The following DEPDC1 variants were observed in gnomAD, a reference collection of about 807,000 sequenced individuals.
DEPDC1 encodes DEP domain containing 1, also known as DEP domain-containing protein 1A.
DEPDC1 carries 66 observed loss-of-function variants against 86.8 expected under a neutral mutation model. The ratio of observed to expected loss-of-function variants is 0.76; its 90% CI spans 0.62 to 0.93. The LOEUF (loss-of-function observed/expected upper bound fraction) is 0.93. Ranked by LOEUF, DEPDC1 falls within the 40% of genes least tolerant of loss-of-function variation. The pLI is 0.00. For missense variants in DEPDC1, 792 were observed against 935.7 expected, an observed-to-expected ratio of 0.85 and a Z score of 2.00; for synonymous variants, 255 against 314.9, an observed-to-expected ratio of 0.81 and a Z score of 2.02.
rs148276338 is a variant in DEPDC1, at chr1:68,481,896, G to C, written c.1762+150C>G. 152 of 789,718 alleles carry C rather than the reference G, an allele frequency of 1.9e-4. 1 individual carries two copies. The African/African-American group carries it at 2.5e-3, about 13-fold the overall frequency. The allele number at this position is 789,718 out of a possible 1,614,324, so 48.9% of individuals were successfully genotyped here. On this transcript the variant is annotated intron_variant, in intron 8 of 11. Coordinates refer to ENST00000456315, the MANE Select transcript of DEPDC1 (RefSeq NM_001114120.3). ...TCCTTAGGTAAACAGAATAAATCTT[G>C]GTTATGTCACAGACAAAAGTCTTTT...
chr1:68,496,858 C>CCGAGGTAAAACTCCGAACGGT lies in DEPDC1; in HGVS notation c.48+93_48+94insACCGTTCGGAGTTTTACCTCG. 1 of 1,285,468 alleles carries CCGAGGTAAAACTCCGAACGGT rather than the reference C, an allele frequency of 7.8e-7. No homozygotes were observed. Among genetic ancestry groups the CCGAGGTAAAACTCCGAACGGT allele is most frequent in the Non-Finnish European group, 1.1e-6 (1 of 898,716 alleles). 79.6% of individuals were successfully genotyped at this position (1,285,468 alleles called of 1,614,324 possible). On this transcript the variant is annotated intron_variant, in intron 1 of 11. Coordinates refer to ENST00000456315, the MANE Select transcript of DEPDC1 (RefSeq NM_001114120.3). The surrounding 1 kb of genome is among the most constrained non-coding windows in gnomAD (Gnocchi z 4.0). ...GGGATCCTGGGACTCATCCCTCCGACCGAGGTAAAACTGCGAACGGTCGAG... is the reference window on the plus strand; with the variant it reads ...GGGATCCTGGGACTCATCCCTCCGACCGAGGTAAAACTCCGAACGGTCGAGGTAAAACTGCGAACGGTCGAG...
Position 68,496,912 on chromosome 1 carries a change from T to C in DEPDC1, c.48+40A>G. On this transcript the variant is annotated intron_variant, in intron 1 of 11. Coordinates refer to ENST00000456315, the MANE Select transcript of DEPDC1 (RefSeq NM_001114120.3). The surrounding 1 kb of genome is among the most constrained non-coding windows in gnomAD (Gnocchi z 4.0). ...AAACTGCGAACAGTGGTGACTGCCG[T>C]CAGCCCGCTGACCGGTCCCGTCTAT... 6.2e-7 allele frequency: 1 copy of C among 1,605,236 alleles called. No individual in the cohort carries two copies. Among genetic ancestry groups the C allele is most frequent in the Non-Finnish European group, 8.5e-7 (1 of 1,174,796 alleles).
chr1:68,489,334 A>G, intron 3 of DEPDC1, 118 bp downstream of exon 3: 1 of 647,536 alleles, frequency 1.5e-6, no homozygotes, highest in Non-Finnish European at 2.4e-6. Context: ...AATGTAATGT[A>G]GGTTAGGAGG....
In DEPDC1 at chr1:68,477,902, T is replaced by C; in HGVS notation, c.2183A>G (p.Gln728Arg). 2 of 1,587,394 alleles carry C rather than the reference T, an allele frequency of 1.3e-6. No individual in the cohort carries two copies. The highest frequency in any genetic ancestry group is 1.7e-6 in the Non-Finnish European group (2 of 1,166,482). The change falls in exon 11 of 12, where the codon CAG (glutamine) becomes CGG (arginine). Residue 728 changes from glutamine (Q) to arginine (R), a missense_variant. Transcript: ENST00000456315. ...TYSYCKQISA[Q>R]EFDEQKVSTS... Reference sequence around the variant, plus strand: ...AGAAACTTTTTGCTCATCAAACTCCTGAGCACTAATCTGCTTACAGTATGA... The same window carrying C: ...AGAAACTTTTTGCTCATCAAACTCCCGAGCACTAATCTGCTTACAGTATGA...
chr1:68,479,301 C>T lies in DEPDC1; in HGVS notation c.1955G>A (p.Arg652Gln), dbSNP rs745857232. The T allele has an allele frequency of 1.8e-5, 28 of 1,598,888 alleles. No individual in the cohort carries two copies. The highest frequency in any genetic ancestry group is 1.7e-4 in the Middle Eastern group (1 of 5,998). ...TRSLMIHTFS[R>Q]CVLCCAEEVD... ...TTCTTCAGCACAGCATAACACACAT[C>T]GAGAAAAGGTATGTATCATCTAGAA... is the stretch of plus-strand genomic sequence containing the variant. The change falls in exon 10 of 12, where the codon CGA becomes CAA. Residue 652 changes from arginine to glutamine, a missense_variant. Arg to Gln is a conservative substitution (Grantham distance 43, BLOSUM62 1). Transcript: ENST00000456315.
chr1:68,479,060 T>G, intron 10 of DEPDC1, 84 bp downstream of exon 10: 2 of 1,221,536 alleles, frequency 1.6e-6, no homozygotes, highest in South Asian at 3.0e-5. Context: ...TGATAAAGTC[T>G]CCCTTTTTGA....
At chr1:68,495,919 G>A (rs183575974) in intron 1 of DEPDC1, among the ~76,000 whole-genome samples, 3 of 152,224 alleles carry the variant, frequency 2.0e-5, no homozygotes, top group South Asian at 2.1e-4. Flanking sequence ...TCATCTAATG[G>A]GTTTTAAATA....
chr1:68,489,938 C>A (rs750138451), intron 2 of DEPDC1, among the ~76,000 whole-genome samples: 4 of 151,656 alleles, frequency 2.6e-5, no homozygotes, highest in Non-Finnish European at 4.4e-5. Flanking sequence ...TTTGTATATT[C>A]CCTCTTTTGT....
intron 6 of DEPDC1, 36 bp from the exon 7 acceptor site, chr1:68,484,126 T>C: frequency 2.8e-6 from 4 of 1,426,454 alleles, no homozygotes; most frequent in Non-Finnish European, 3.8e-6. Context: ...AGGTAAAGTA[T>C]ATTTTAATTT....
At chr1:68,481,292 G>C in intron 9 of DEPDC1, 148 bp downstream of exon 9, 1 of 648,470 alleles carries the variant, frequency 1.5e-6, no homozygotes, top group Non-Finnish European at 2.6e-6. Context: ...CCAAAATTCT[G>C]CTGCTAGGAA....
intron 2 of DEPDC1, among the ~76,000 whole-genome samples, chr1:68,490,615 C>A: frequency 6.6e-6 from 1 of 152,042 alleles, no homozygotes; most frequent in Middle Eastern, 3.2e-3. Flanking sequence ...AGGGTATATA[C>A]CTAGTAAAGG....
chr1:68,487,311 T>C (rs2100261887), intron 5 of DEPDC1, among the ~76,000 whole-genome samples: 1 of 152,150 alleles, frequency 6.6e-6, no homozygotes, highest in Non-Finnish European at 1.5e-5. Flanking sequence ...TTTTATCTAC[T>C]ACCACTATCT....
intron 2 of DEPDC1, among the ~76,000 whole-genome samples, chr1:68,493,167 TAA>T (rs1043539611): frequency 6.6e-6 from 1 of 152,116 alleles, no homozygotes; most frequent in African/African-American, 2.4e-5. Context: ...GGGGAGTAGT[TAA>T]GAGAGGGAAG....
At position 68,482,049 on chromosome 1, in the gene DEPDC1, G is replaced by C. The variant is rs1228039566; in HGVS notation, c.1759C>G (p.Gln587Glu). The change falls in exon 8 of 12, where the codon CAA (glutamine) becomes GAA (glutamate). Residue 587 changes from glutamine (Q) to glutamate (E), a missense_variant. Gln to Glu is a conservative substitution (Grantham distance 29). Transcript: ENST00000456315. ...LPASSMLTGT[Q>E]SLLQPHLERV... is the part of the protein sequence containing the mutation. ...GCATTGAAAGCAACAGCCTTACTTTGTGTGCCAGTCAACATAGAAGAAGCT... is the reference window on the plus strand; with the variant it reads ...GCATTGAAAGCAACAGCCTTACTTTCTGTGCCAGTCAACATAGAAGAAGCT... 2.5e-6 allele frequency: 4 copies of C among 1,580,806 alleles called. No homozygotes were observed. Among genetic ancestry groups the C allele is most frequent in the South Asian group, 2.4e-5 (2 of 84,142 alleles).
At position 68,488,494 on chromosome 1, in the gene DEPDC1, T is replaced by C. The variant is rs775395440; in HGVS notation, c.601A>G (p.Ile201Val). 3 of 1,604,336 alleles carry C rather than the reference T, an allele frequency of 1.9e-6. No homozygotes were observed. Among genetic ancestry groups the C allele is most frequent in the Non-Finnish European group, 1.7e-6 (2 of 1,176,340 alleles). Reference sequence around the variant, plus strand: ...TCTTCTAGGGATGGCACACCTAAAATGGTTTGCAGGCTAAATAGAAGAAAG... The same window carrying C: ...TCTTCTAGGGATGGCACACCTAAAACGGTTTGCAGGCTAAATAGAAGAAAG... Reference protein sequence around the residue: ...RYVILIYLQTILGVPSLEEVI... With the variant: ...RYVILIYLQTVLGVPSLEEVI... The change falls in exon 5 of 12, where the codon ATT becomes GTT. Residue 201 changes from isoleucine to valine, a missense_variant. By Grantham distance (29) the Ile-to-Val change is conservative (BLOSUM62 3). Coordinates refer to ENST00000456315, the MANE Select transcript of DEPDC1 (RefSeq NM_001114120.3).
chr1:68,491,391 T>C (rs971091131), intron 2 of DEPDC1, among the ~76,000 whole-genome samples: 6 of 152,082 alleles, frequency 3.9e-5, no homozygotes, highest in Admixed American at 3.3e-4. Flanking sequence ...AGAAGACATA[T>C]ATGCAGCCAA....
intron 6 of DEPDC1, among the ~76,000 whole-genome samples, chr1:68,485,269 TAGAA>T (rs1223658735): frequency 6.6e-6 from 1 of 151,928 alleles, no homozygotes; most frequent in Non-Finnish European, 1.5e-5. Flanking sequence ...TGATAATCAT[TAGAA>T]AGTTCTCTAA....
chr1:68,480,779 C>G (rs1201966763), intron 9 of DEPDC1, among the ~76,000 whole-genome samples: 2 of 151,722 alleles, frequency 1.3e-5, no homozygotes, highest in African/African-American at 4.8e-5. Context: ...TCTTTAATAA[C>G]GCGTGGAAGA....
chr1:68,491,920 A>AT (rs1227155636), intron 2 of DEPDC1, among the ~76,000 whole-genome samples: 14,269 of 138,884 alleles, frequency 0.1, 825 homozygotes, highest in East Asian at 0.15. Flanking sequence ...TGGCTAATTA[A>AT]TTTTTTTTTT....
Sources: gnomAD v4.1 joint callset for allele counts (sites outside exome capture counted in the v4.1 genomes callset) on GRCh38, gnomAD v4.1.1 for gene constraint, Gnocchi (gnomAD v3.1) non-coding constraint, MANE v1.5 for transcripts, NCBI Gene and HGNC (gene_info 2026-07-23, HGNC 2026-07-21) for gene names.